The following FRZB variants were observed in gnomAD, a reference collection of about 807,000 sequenced individuals.
FRZB encodes the protein secreted frizzled-related protein 3.
FRZB carries 34 observed loss-of-function variants against 32.5 expected under a neutral mutation model. The observed-to-expected ratio is 1.05, with a 90% CI of 0.80 to 1.39. The LOEUF (loss-of-function observed/expected upper bound fraction) is 1.39. Among genes scored for constraint, FRZB ranks in the 40% most tolerant of loss-of-function variants. The pLI, the probability that FRZB is intolerant of heterozygous loss-of-function variation, is 0.00. For synonymous variants in FRZB, 170 were observed against 159.2 expected, an observed-to-expected ratio of 1.07 and a Z score of -0.51; for missense variants, 423 against 424.8, an observed-to-expected ratio of 1.00 and a Z score of 0.04.
chr2:182,858,748 A>C lies in FRZB; in HGVS notation c.526+38T>G, dbSNP rs1461995708. On this transcript the variant is annotated intron_variant, in intron 2 of 5. Transcript: ENST00000295113. The stretch of plus-strand genomic sequence containing the variant: ...CTAAATTACATCAATGACTAATCTG[A>C]CCACAAATGAAAACCAGGAAGATAA... 4.6e-6 allele frequency: 7 copies of C among 1,522,050 alleles called. No individual in the cohort carries two copies. The South Asian group carries it at 8.2e-5, about 18-fold the overall frequency. 94.3% of individuals were successfully genotyped at this position (1,522,050 alleles called of 1,614,324 possible). A position where few individuals can be genotyped will look rare whatever the true frequency, so the allele number is the denominator to read the frequency against.
chr2:182,858,733 T>A (rs1338549584), intron 2 of FRZB, 53 bp downstream of exon 2: 60 of 1,389,494 alleles, frequency 4.3e-5, no homozygotes, highest in Non-Finnish European at 1.9e-5. Flanking sequence ...CTAAATTACA[T>A]CAATGACTAA....
intron 5 of FRZB, 126 bp downstream of exon 5, chr2:182,837,822 T>C: frequency 5.9e-6 from 4 of 681,434 alleles, no homozygotes; most frequent in East Asian, 2.7e-5. Context: ...TATAAATATA[T>C]GCATACTAAA....
intron 2 of FRZB, among the ~76,000 whole-genome samples, chr2:182,858,563 C>T (rs1409730261): frequency 6.6e-6 from 1 of 152,030 alleles, no homozygotes; most frequent in Non-Finnish European, 1.5e-5. Context: ...TAAATCTCTA[C>T]ATAATATTAA....
intron 2 of FRZB, among the ~76,000 whole-genome samples, chr2:182,845,036 G>A (rs1208876362): frequency 1.3e-5 from 2 of 152,106 alleles, no homozygotes; most frequent in Non-Finnish European, 2.9e-5. Flanking sequence ...GAGAAGCTGA[G>A]TTTATATCCA....
intron 1 of FRZB, among the ~76,000 whole-genome samples, chr2:182,863,874 C>A (rs959402056): frequency 1.3e-5 from 2 of 151,196 alleles, no homozygotes; most frequent in Admixed American, 6.6e-5. Flanking sequence ...CTTCAGGCTA[C>A]AATCTACACA....
intron 3 of FRZB, among the ~76,000 whole-genome samples, chr2:182,839,872 A>T (rs1048192645): frequency 6.6e-6 from 1 of 152,092 alleles, no homozygotes; most frequent in African/African-American, 2.4e-5. Context: ...AAACCACTTT[A>T]ATCTGAGTAC....
chr2:182,851,264 G>A (rs1356670729), intron 2 of FRZB, among the ~76,000 whole-genome samples: 1 of 152,140 alleles, frequency 6.6e-6, no homozygotes, highest in Admixed American at 6.5e-5. Context: ...GAGATCGGTG[G>A]ACTAAAACCA....
chr2:182,851,828 A>G (rs2105759397), intron 2 of FRZB, among the ~76,000 whole-genome samples: 1 of 152,296 alleles, frequency 6.6e-6, no homozygotes, highest in African/African-American at 2.4e-5. Context: ...ATGTAGCTTG[A>G]TGAACTCCAA....
chr2:182,836,817 C>T (rs139016340), intron 5 of FRZB, among the ~76,000 whole-genome samples: 2 of 152,138 alleles, frequency 1.3e-5, no homozygotes, highest in African/African-American at 4.8e-5. Context: ...AGAATGCCCG[C>T]AAGTCTGAAC....
chr2:182,844,072 GAA>G (rs1305758305), intron 2 of FRZB, among the ~76,000 whole-genome samples: 2 of 152,048 alleles, frequency 1.3e-5, no homozygotes, highest in African/African-American at 4.8e-5. Context: ...TAGCAGTCCC[GAA>G]AAGAGTATCA....
At chr2:182,852,013 GA>G (rs1001197155) in intron 2 of FRZB, among the ~76,000 whole-genome samples, 21 of 151,774 alleles carry the variant, frequency 1.4e-4, no homozygotes, top group Admixed American at 3.9e-4. Context: ...AAGTAATGGG[GA>G]AAAAAAATCC....
At chr2:182,855,834 A>G (rs1366696464) in intron 2 of FRZB, among the ~76,000 whole-genome samples, 6 of 152,162 alleles carry the variant, frequency 3.9e-5, no homozygotes, top group African/African-American at 7.2e-5. Flanking sequence ...ATCAATGCCC[A>G]GACATGTAAT....
intron 1 of FRZB, among the ~76,000 whole-genome samples, chr2:182,864,967 G>T (rs1695874533): frequency 6.6e-6 from 1 of 152,208 alleles, no homozygotes; most frequent in Non-Finnish European, 1.5e-5. Context: ...GGTTGGGTTA[G>T]TTGGTAGAAG....
Position 182,852,574 on chromosome 2 carries a change from A to G in FRZB, c.526+6212T>C, listed in dbSNP as rs181977390. On this transcript the variant is annotated intron_variant, in intron 2 of 5. Transcript: ENST00000295113. ...GCTCTGGAGACATTTGTGTTTTTCA[A>G]ATGTGAAAGTTCATAAATTGGTCAC... 5.3e-5 allele frequency among the ~76,000 whole-genome samples: 8 copies of G among 152,322 alleles called. No individual in the cohort carries two copies. In the East Asian group the frequency reaches 1.2e-3, roughly 22 times the overall value.
chr2:182,851,973 G>C (rs1266230587), intron 2 of FRZB, among the ~76,000 whole-genome samples: 1 of 152,190 alleles, frequency 6.6e-6, no homozygotes, highest in Non-Finnish European at 1.5e-5. Context: ...GCTTAGGAAA[G>C]AGAACTGGTC....
In FRZB at chr2:182,834,812, T is replaced by A. The variant is rs368870159; in HGVS notation, c.*37A>T. 33 of 1,433,440 alleles carry A rather than the reference T, an allele frequency of 2.3e-5. No homozygotes were observed. Among genetic ancestry groups the A allele is most frequent in the Non-Finnish European group, 3.1e-5 (32 of 1,016,028 alleles). The allele number at this position is 1,433,440 out of a possible 1,614,324, so 88.8% of individuals were successfully genotyped here. On this transcript the variant is annotated 3_prime_UTR_variant, in exon 6 of 6. Transcript: ENST00000295113. The stretch of plus-strand genomic sequence containing the variant: ...GTCCAGCAATGCAAGTAAGTCTTAA[T>A]AGGAAGTCCACTGTGTTACTTTTTG...
chr2:182,866,253 G>A lies in FRZB; in HGVS notation c.300C>T (p.Phe100=). ...TACAGGGCTTGATGGGCTCGTGCTG[G>A]AAGTCAATGGTGCAGATGGGCGCGT... ...AMYAPICTID[F]QHEPIKPCKS... Residue 100 remains phenylalanine, a synonymous_variant, in exon 1 of 6, where the codon TTC becomes TTT. Transcript: ENST00000295113. This position sits in a 1 kb window ranked among gnomAD's most constrained non-coding sequence, Gnocchi z 4.5. 2 of 1,614,236 alleles carry A rather than the reference G, an allele frequency of 1.2e-6. No homozygotes were observed. The highest frequency in any genetic ancestry group is 8.5e-7 in the Non-Finnish European group (1 of 1,180,044).
intron 3 of FRZB, among the ~76,000 whole-genome samples, chr2:182,839,953 C>A (rs2118588): frequency 6.6e-6 from 1 of 151,842 alleles, no homozygotes; most frequent in Non-Finnish European, 1.5e-5. Context: ...AATATAAAAC[C>A]AGCTAATCAA....
chr2:182,833,987 T>C lies in FRZB; in HGVS notation c.*862A>G, dbSNP rs1406077631. 1 of 149,118 alleles carries C rather than the reference T, an allele frequency of 6.7e-6. No individual in the cohort carries two copies. Among genetic ancestry groups the C allele is most frequent in the Non-Finnish European group, 1.5e-5 (1 of 67,746 alleles). The allele number at this position is 149,118 out of a possible 1,614,324, so 9.2% of individuals were successfully genotyped here. On this transcript the variant is annotated 3_prime_UTR_variant, in exon 6 of 6. Coordinates refer to ENST00000295113, the MANE Select transcript of FRZB (RefSeq NM_001463.4). ...TGGTCAATACGGCAATTCTGATTTATTTTAAAAGAAGAGAAAAAAAAAGAC... is the reference window on the plus strand; with the variant it reads ...TGGTCAATACGGCAATTCTGATTTACTTTAAAAGAAGAGAAAAAAAAAGAC...
Sources: allele counts gnomAD v4.1 joint callset (sites outside exome capture counted in the v4.1 genomes callset), GRCh38; gene constraint gnomAD v4.1.1; non-coding constraint Gnocchi (gnomAD v3.1); transcripts MANE v1.5; gene names NCBI Gene and HGNC (gene_info 2026-07-23, HGNC 2026-07-21).